The following TRIO variants were observed in gnomAD, a reference collection of about 807,000 sequenced individuals.
TRIO encodes the protein triple functional domain protein.
In TRIO, 58 loss-of-function variants were observed where a neutral mutation model predicts 351.9. The ratio of observed to expected loss-of-function variants is 0.16; its 90% CI spans 0.13 to 0.21. The LOEUF is 0.21. Among genes scored for constraint, TRIO ranks in the 10% least tolerant of loss-of-function variants. The probability of loss-of-function intolerance (pLI) is 1.00; values close to 1 mark genes in which losing one functional copy is unlikely to be tolerated. For synonymous variants in TRIO, 1,758 were observed against 1,595.7 expected (o/e 1.10, Z -2.42); for missense variants, 3,201 against 4,027.8 (o/e 0.79, Z 5.56).
intron 10 of TRIO, among the ~76,000 whole-genome samples, chr5:14,334,213 G>C (rs1741185001): frequency 6.6e-6 from 1 of 152,268 alleles, no homozygotes; most frequent in Admixed American, 6.5e-5. Flanking sequence ...TGATGAGTAT[G>C]GTTGATACTA....
At chr5:14,467,598 T>C (rs1346524442) in intron 37 of TRIO, among the ~76,000 whole-genome samples, 80 of 152,110 alleles carry the variant, frequency 5.3e-4, no homozygotes. Context: ...GGCATATTGC[T>C]TGAGCCCAGG....
intron 33 of TRIO, among the ~76,000 whole-genome samples, chr5:14,416,573 A>T (rs927867337): frequency 6.6e-6 from 1 of 152,226 alleles, no homozygotes; most frequent in Non-Finnish European, 1.5e-5. Context: ...AAGGAATTTT[A>T]ACTTTGTATA....
At chr5:14,253,027 C>T (rs749932269) in intron 1 of TRIO, among the ~76,000 whole-genome samples, 1 of 152,222 alleles carries the variant, frequency 6.6e-6, no homozygotes, top group Non-Finnish European at 1.5e-5. Context: ...CAGGGAAATA[C>T]CTTCTGTGTC....
chr5:14,286,904 C>T lies in TRIO; in HGVS notation c.381C>T (p.Ile127=), dbSNP rs370673675. ...TCTGCAAGCGTGGCTTCACGGTGATCGTGGACATGCGTGGGTCCAAGTGGG... is the reference window on the plus strand; with the variant it reads ...TCTGCAAGCGTGGCTTCACGGTGATTGTGGACATGCGTGGGTCCAAGTGGG... ...EEVCKRGFTV[I]VDMRGSKWDS... is the part of the protein sequence containing the mutation. The change falls in exon 4 of 57, where the codon ATC becomes ATT. Residue 127 remains isoleucine, a synonymous_variant. Coordinates refer to ENST00000344204, the MANE Select transcript of TRIO (RefSeq NM_007118.4). This position sits in a 1 kb window ranked among gnomAD's most constrained non-coding sequence, Gnocchi z 4.4. 28 of 1,613,716 alleles carry T rather than the reference C, an allele frequency of 1.7e-5. No individual in the cohort carries two copies. Among genetic ancestry groups the T allele is most frequent in the African/African-American group, 1.1e-4 (8 of 74,908 alleles).
chr5:14,400,867 T>C, intron 30 of TRIO, 96 bp from the exon 31 acceptor site: 1 of 1,070,152 alleles, frequency 9.3e-7, no homozygotes, highest in Non-Finnish European at 1.4e-6. Context: ...TAACCTAACA[T>C]GGCCACAAGT....
At chr5:14,255,889 G>A (rs1794997201) in intron 1 of TRIO, among the ~76,000 whole-genome samples, 2 of 152,140 alleles carry the variant, frequency 1.3e-5, no homozygotes, top group Non-Finnish European at 2.9e-5. Context: ...TGTTCAGCCT[G>A]TAGCATGATT....
At chr5:14,348,143 GT>G (rs1183010205) in intron 11 of TRIO, among the ~76,000 whole-genome samples, 1 of 152,138 alleles carries the variant, frequency 6.6e-6, no homozygotes, top group Non-Finnish European at 1.5e-5. Context: ...TCCCTATGTC[GT>G]TTTGTTTTGC....
At chr5:14,307,624 T>C (rs1404930662) in intron 8 of TRIO, among the ~76,000 whole-genome samples, 1 of 152,206 alleles carries the variant, frequency 6.6e-6, no homozygotes, top group Non-Finnish European at 1.5e-5. Context: ...CTTGGTCAGA[T>C]TGGTGTCTGC....
At chr5:14,175,980 A>G (rs1789381315) in intron 1 of TRIO, among the ~76,000 whole-genome samples, 1 of 152,198 alleles carries the variant, frequency 6.6e-6, no homozygotes, top group South Asian at 2.1e-4. Context: ...TATCAACCAT[A>G]ATTCTTATTT....
At chr5:14,401,103 A>G in intron 31 of TRIO, 39 bp downstream of exon 31, 1 of 1,538,166 alleles carries the variant, frequency 6.5e-7, no homozygotes, top group South Asian at 1.2e-5. Flanking sequence ...TGTTTGAAAC[A>G]TTTACTGTGG....
At chr5:14,463,605 G>C (rs916507308) in intron 36 of TRIO, among the ~76,000 whole-genome samples, 1 of 151,222 alleles carries the variant, frequency 6.6e-6, no homozygotes, top group African/African-American at 2.4e-5. Flanking sequence ...AGTGTGGCTT[G>C]CACATCCTCT....
In TRIO at chr5:14,237,926, A is replaced by C. The variant is rs181612732; in HGVS notation, c.158-32899A>C. ...ATCAAATTTTCTTCTTTCCTCTAAC[A>C]TTTAGCATTATTACTCTTTGTTGGA... On this transcript the variant is annotated intron_variant, in intron 1 of 56. Coordinates refer to ENST00000344204, the MANE Select transcript of TRIO (RefSeq NM_007118.4). Among the ~76,000 whole-genome samples, 9 of 152,306 alleles carry C rather than the reference A, an allele frequency of 5.9e-5. No individual in the cohort carries two copies. The South Asian group carries it at 1.7e-3, about 28-fold the overall frequency.
chr5:14,456,169 G>T (rs1211289227), intron 34 of TRIO, among the ~76,000 whole-genome samples: 1 of 152,238 alleles, frequency 6.6e-6, no homozygotes, highest in Non-Finnish European at 1.5e-5. Context: ...CGGAGTGCAG[G>T]GCCCGCTGAG....
chr5:14,194,994 C>T (rs1790689491), intron 1 of TRIO, among the ~76,000 whole-genome samples: 1 of 151,350 alleles, frequency 6.6e-6, no homozygotes, highest in Non-Finnish European at 1.5e-5. Flanking sequence ...ACTTCTTTTA[C>T]CTTTAAATAT....
chr5:14,203,691 G>A (rs1315418445), intron 1 of TRIO, among the ~76,000 whole-genome samples: 2 of 152,210 alleles, frequency 1.3e-5, no homozygotes, highest in African/African-American at 2.4e-5. Flanking sequence ...AGCCCTTGAC[G>A]GGCATCTGTG....
At chr5:14,280,548 T>G in intron 3 of TRIO, 112 bp downstream of exon 3, 1 of 913,172 alleles carries the variant, frequency 1.1e-6, no homozygotes, top group East Asian at 2.6e-5. Flanking sequence ...CAAAGTAGTA[T>G]AAAATGAAAG....
chr5:14,170,195 C>G (rs1184784888), intron 1 of TRIO, among the ~76,000 whole-genome samples: 1 of 151,970 alleles, frequency 6.6e-6, no homozygotes, highest in Non-Finnish European at 1.5e-5. Context: ...GGTAAGTTTC[C>G]TACTAGACAT....
intron 18 of TRIO, among the ~76,000 whole-genome samples, chr5:14,371,603 A>G (rs768345327): frequency 1.1e-4 from 16 of 151,866 alleles, no homozygotes; most frequent in Non-Finnish European, 2.1e-4. Flanking sequence ...ATTATCTGAA[A>G]TCCAGCATTG....
At chr5:14,482,439 G>GAA (rs375308522) in intron 45 of TRIO, 143 bp from the exon 46 acceptor site, 54 of 626,608 alleles carry the variant, frequency 8.6e-5, no homozygotes, top group Middle Eastern at 5.0e-4. Flanking sequence ...AACAGTAAAA[G>GAA]AAAAAAAAAA....
Sources: allele counts gnomAD v4.1 joint callset (sites outside exome capture counted in the v4.1 genomes callset), GRCh38; gene constraint gnomAD v4.1.1; non-coding constraint Gnocchi (gnomAD v3.1); transcripts MANE v1.5; gene names NCBI Gene and HGNC (gene_info 2026-07-23, HGNC 2026-07-21).